PPP2R5A: variants seen among roughly 807,000 people sequenced by gnomAD.
PPP2R5A encodes the protein protein phosphatase 2 regulatory subunit B'alpha.
PPP2R5A carries 25 observed loss-of-function variants against 64.2 expected under a neutral mutation model. The observed-to-expected ratio is 0.39, with a 90% CI of 0.28 to 0.54. PPP2R5A has a LOEUF of 0.54. Ranked by LOEUF, PPP2R5A falls within the 20% of genes least tolerant of loss-of-function variation. The probability of loss-of-function intolerance (pLI) is 0.67; values close to 1 mark genes in which losing one functional copy is unlikely to be tolerated. For synonymous variants in PPP2R5A, 198 were observed against 201.2 expected, an observed-to-expected ratio of 0.98 and a Z score of 0.13; for missense variants, 425 against 576.3, an observed-to-expected ratio of 0.74 and a Z score of 2.69.
chr1:212,310,759 G>T (rs1659014137), intron 1 of PPP2R5A, among the ~76,000 whole-genome samples: 1 of 152,192 alleles, frequency 6.6e-6, no homozygotes, highest in Non-Finnish European at 1.5e-5. Context: ...ATGCGTGGAG[G>T]TTGGGCAGAA....
chr1:212,346,063 G>A, intron 5 of PPP2R5A, 130 bp downstream of exon 5: 1 of 897,638 alleles, frequency 1.1e-6, no homozygotes, highest in South Asian at 1.9e-5. Context: ...GTGCAGTGGT[G>A]AGAACATAGC....
intron 1 of PPP2R5A, among the ~76,000 whole-genome samples, chr1:212,296,304 A>C (rs368919618): frequency 3.3e-5 from 5 of 152,174 alleles, no homozygotes; most frequent in East Asian, 1.9e-4. Flanking sequence ...TTAGAAACCC[A>C]GTTATAAATA....
chr1:212,304,407 G>A (rs182935877), intron 1 of PPP2R5A, among the ~76,000 whole-genome samples: 29 of 152,128 alleles, frequency 1.9e-4, no homozygotes, highest in African/African-American at 4.8e-4. Flanking sequence ...AAAATTAGCC[G>A]GGGTGGTGGC....
intron 1 of PPP2R5A, among the ~76,000 whole-genome samples, chr1:212,310,398 TTTA>T (rs1659007401): frequency 6.6e-6 from 1 of 152,162 alleles, no homozygotes; most frequent in Non-Finnish European, 1.5e-5. Context: ...CTCCACTGTT[TTTA>T]AGAGTACCCT....
At chr1:212,306,122 C>T (rs112797597) in intron 1 of PPP2R5A, among the ~76,000 whole-genome samples, 14,073 of 152,054 alleles carry the variant, frequency 0.093, 2,121 homozygotes, top group African/African-American at 0.32. Context: ...GGGGTCGGGT[C>T]GTACAATCTA....
intron 1 of PPP2R5A, among the ~76,000 whole-genome samples, chr1:212,317,895 A>G (rs1291228139): frequency 6.6e-6 from 1 of 152,026 alleles, no homozygotes; most frequent in Non-Finnish European, 1.5e-5. Context: ...CTGAGGCAGG[A>G]GAATCGCTTG....
rs144312400 is a variant in PPP2R5A, at chr1:212,327,303, T to C, written c.182-1832T>C. Among the ~76,000 whole-genome samples, 1,227 of 152,334 alleles carry C rather than the reference T, an allele frequency of 8.1e-3. 20 individuals are homozygous for C. The highest frequency in any genetic ancestry group is 0.028 in the African/African-American group (1,173 of 41,574). On this transcript the variant is annotated intron_variant, in intron 1 of 12. Coordinates refer to ENST00000261461, the MANE Select transcript of PPP2R5A (RefSeq NM_006243.4). Reference sequence around the variant, plus strand: ...GAATTCCTTGTTTATAGAATGAAAGTTCGGAAGTGAAGTTTTATGGTTTTG... The same window carrying C: ...GAATTCCTTGTTTATAGAATGAAAGCTCGGAAGTGAAGTTTTATGGTTTTG...
At chr1:212,317,715 C>T (rs1659184628) in intron 1 of PPP2R5A, among the ~76,000 whole-genome samples, 1 of 152,122 alleles carries the variant, frequency 6.6e-6, no homozygotes, top group African/African-American at 2.4e-5. Flanking sequence ...GGGCCAGGTT[C>T]AGTGGCTTAC....
rs3070963 is a variant in PPP2R5A, at chr1:212,305,035, ATTTTT to A, written c.181+18761_181+18765del. 4.1e-3 allele frequency among the ~76,000 whole-genome samples: 445 copies of A among 107,934 alleles called. 5 individuals are homozygous for A. The highest frequency in any genetic ancestry group is 0.016 in the African/African-American group (410 of 25,238). 70.8% of individuals were successfully genotyped at this position (107,934 alleles called of 152,430 possible). A position where few individuals can be genotyped will look rare whatever the true frequency, so the allele number is the denominator to read the frequency against. ...TGGGAGCTGCCACACCCGGCCCCCA[ATTTTT>A]TTTTTTTTTTTTTTTTGAGACGGAG... On this transcript the variant is annotated intron_variant, in intron 1 of 12. Transcript: ENST00000261461.
chr1:212,297,531 A>G (rs1658720532), intron 1 of PPP2R5A: 1 of 152,216 alleles, frequency 6.6e-6, no homozygotes, highest in Non-Finnish European at 1.5e-5. Context: ...ACTAAAGACT[A>G]AGACTAAGCC....
Position 212,345,739 on chromosome 1 carries a change from A to G in PPP2R5A, c.574-64A>G. The G allele has an allele frequency of 3.3e-6, 5 of 1,517,678 alleles. No individual in the cohort carries two copies. In the African/African-American group the frequency reaches 7.1e-5, roughly 22 times the overall value. 94.0% of individuals were successfully genotyped at this position (1,517,678 alleles called of 1,614,324 possible). A position where few individuals can be genotyped will look rare whatever the true frequency, so the allele number is the denominator to read the frequency against. Reference sequence around the variant, plus strand: ...GATGTCATGGATAATCTTTAAGATCAAAATTAGAATAAAGCTTTAGCTCGA... The same window carrying G: ...GATGTCATGGATAATCTTTAAGATCGAAATTAGAATAAAGCTTTAGCTCGA... On this transcript the variant is annotated intron_variant, in intron 4 of 12. Coordinates refer to ENST00000261461, the MANE Select transcript of PPP2R5A (RefSeq NM_006243.4).
At chr1:212,309,529 G>C in intron 1 of PPP2R5A, 1 of 746,690 alleles carries the variant, frequency 1.3e-6, no homozygotes, top group African/African-American at 1.7e-5. Flanking sequence ...CTTGTGAAAA[G>C]CCCTTCTTTA....
At chr1:212,338,026 T>G (rs981967535) in intron 3 of PPP2R5A, among the ~76,000 whole-genome samples, 1 of 152,190 alleles carries the variant, frequency 6.6e-6, no homozygotes, top group Non-Finnish European at 1.5e-5. Context: ...AGCAGCCTCT[T>G]AGGTACTTGT....
chr1:212,322,593 G>A (rs1045153680), intron 1 of PPP2R5A, among the ~76,000 whole-genome samples: 1 of 152,116 alleles, frequency 6.6e-6, no homozygotes, highest in Non-Finnish European at 1.5e-5. Flanking sequence ...CCAGCCAGCA[G>A]TACATGACAG....
At chr1:212,355,558 T>C (rs1050492382) in intron 8 of PPP2R5A, among the ~76,000 whole-genome samples, 2 of 152,222 alleles carry the variant, frequency 1.3e-5, no homozygotes, top group African/African-American at 4.8e-5. Flanking sequence ...TGTAGAATGA[T>C]TGCTGGTGGT....
At position 212,301,022 on chromosome 1, in the gene PPP2R5A, T is replaced by C. The variant is rs112265230; in HGVS notation, c.181+14731T>C. ...CTCTAGAGACTTGAACACCTTGTTT[T>C]TGTTTGTTTGAGACAGGGTCTTGCT... On this transcript the variant is annotated intron_variant, in intron 1 of 12. Transcript: ENST00000261461. 2.4e-3 allele frequency among the ~76,000 whole-genome samples: 360 copies of C among 152,224 alleles called. 3 individuals carry two copies. The highest frequency in any genetic ancestry group is 8.3e-3 in the African/African-American group (346 of 41,522).
At chr1:212,355,657 T>A (rs1028132981) in intron 8 of PPP2R5A, among the ~76,000 whole-genome samples, 9 of 152,150 alleles carry the variant, frequency 5.9e-5, no homozygotes, top group Non-Finnish European at 1.2e-4. Context: ...TGAAAATCTT[T>A]TAAAATGATC....
intron 1 of PPP2R5A, among the ~76,000 whole-genome samples, chr1:212,287,175 G>A (rs922145962): frequency 1.3e-5 from 2 of 152,146 alleles, no homozygotes; most frequent in Non-Finnish European, 1.5e-5. Flanking sequence ...GAGGATTTTC[G>A]ATGTTATTTC....
rs185650320 is a variant in PPP2R5A, at chr1:212,291,900, C to A, written c.181+5609C>A. ...TCGAGAACATGTGATAGAGGTTTGCCTAATTTTAATCCCATCATTCAGGAT... is the reference window on the plus strand; with the variant it reads ...TCGAGAACATGTGATAGAGGTTTGCATAATTTTAATCCCATCATTCAGGAT... On this transcript the variant is annotated intron_variant, in intron 1 of 12. Transcript: ENST00000261461. 2.8e-3 allele frequency among the ~76,000 whole-genome samples: 433 copies of A among 152,268 alleles called. 3 individuals carry two copies. Among genetic ancestry groups the A allele is most frequent in the African/African-American group, 0.01 (416 of 41,544 alleles).
Sources: allele counts gnomAD v4.1 joint callset (sites outside exome capture counted in the v4.1 genomes callset), GRCh38; gene constraint gnomAD v4.1.1; transcripts MANE v1.5; gene names NCBI Gene and HGNC (gene_info 2026-07-23, HGNC 2026-07-21).